The following SGCD variants were observed in gnomAD, a reference collection of about 807,000 sequenced individuals.
The protein encoded by SGCD is sarcoglycan delta, also known as delta-sarcoglycan.
Under a neutral mutation model 36.6 loss-of-function variants are expected in SGCD, and 18 were observed. The ratio of observed to expected loss-of-function variants is 0.49; its 90% CI spans 0.34 to 0.73. The LOEUF (loss-of-function observed/expected upper bound fraction) is 0.73. SGCD is among the 30% of genes least tolerant of loss of function. The pLI is 0.01. For missense variants in SGCD, 387 were observed against 346.7 expected (o/e 1.12, Z -0.92); for synonymous variants, 133 against 130.6 (o/e 1.02, Z -0.12).
At position 155,964,052 on chromosome 5, in the gene SGCD, A is replaced by G. The variant is rs187826647; in HGVS notation, c.-282+93628A>G. On this transcript the variant is annotated intron_variant, in intron 1 of 9. Transcript: ENST00000517913. The stretch of plus-strand genomic sequence containing the variant: ...TACTTTCTCTGAGTTACCTATTGCT[A>G]TAGCTAGAAAACATATGCGTATATT... Among the ~76,000 whole-genome samples, 5 of 152,208 alleles carry G rather than the reference A, an allele frequency of 3.3e-5. No homozygotes were observed. The East Asian group carries it at 9.7e-4, about 30-fold the overall frequency.
intron 7 of SGCD, among the ~76,000 whole-genome samples, chr5:156,669,705 A>T (rs1379994119): frequency 6.6e-6 from 1 of 152,200 alleles, no homozygotes; most frequent in East Asian, 1.9e-4. Flanking sequence ...TGTAGGAAGC[A>T]CAAATATGAT....
chr5:155,784,814 A>T, the SGCD span, among the ~76,000 whole-genome samples: 98 of 152,266 alleles, frequency 6.4e-4, no homozygotes, highest in African/African-American at 2.2e-3. Flanking sequence ...TACTAGTTTT[A>T]AGCTAGGTAG....
intron 7 of SGCD, among the ~76,000 whole-genome samples, chr5:156,714,135 T>C (rs1279083445): frequency 2.6e-5 from 4 of 152,276 alleles, no homozygotes; most frequent in Admixed American, 6.5e-5. Context: ...ACATTCACTG[T>C]GTTTACACAT....
At position 156,308,948 on chromosome 5, in the gene SGCD, A is replaced by AT. The variant is rs571694891; in HGVS notation, c.-43-20577dup. Among the ~76,000 whole-genome samples, 11 of 151,676 alleles carry AT rather than the reference A, an allele frequency of 7.3e-5. No individual in the cohort carries two copies. The South Asian group carries it at 1.0e-3, about 14-fold the overall frequency. On this transcript the variant is annotated intron_variant, in intron 3 of 9. Transcript: ENST00000517913. ...AAATATTACATACTTAGGTAACAGT[A>AT]TTTTTTTTTATTTTAGCACTTTGAA...
intron 3 of SGCD, among the ~76,000 whole-genome samples, chr5:156,232,313 G>C (rs922934732): frequency 6.6e-6 from 1 of 152,116 alleles, no homozygotes; most frequent in African/African-American, 2.4e-5. Flanking sequence ...ATTTTTGCTT[G>C]GGCACCTCCA....
chr5:156,608,664 A>T (rs891146654), intron 6 of SGCD, among the ~76,000 whole-genome samples: 4 of 152,036 alleles, frequency 2.6e-5, no homozygotes, highest in Non-Finnish European at 4.4e-5. Context: ...TCCCCTTATT[A>T]TTGTGTGGGA....
At chr5:156,054,577 G>T (rs889601889) in intron 1 of SGCD, among the ~76,000 whole-genome samples, 2 of 146,484 alleles carry the variant, frequency 1.4e-5, no homozygotes, top group Admixed American at 1.4e-4. Flanking sequence ...GAGCCACCGC[G>T]CCCGGCCCCT....
chr5:156,121,846 T>C (rs1271641323), intron 2 of SGCD, among the ~76,000 whole-genome samples: 1 of 151,982 alleles, frequency 6.6e-6, no homozygotes, highest in Non-Finnish European at 1.5e-5. Flanking sequence ...AATAATGGCA[T>C]GGAAGCAAAG....
chr5:156,719,065 A>T (rs1428955728), intron 7 of SGCD, among the ~76,000 whole-genome samples: 2 of 152,140 alleles, frequency 1.3e-5, no homozygotes, highest in African/African-American at 4.8e-5. Flanking sequence ...ACAAATATGC[A>T]CACACACATA....
intron 3 of SGCD, among the ~76,000 whole-genome samples, chr5:156,491,535 C>T (rs182543240): frequency 6.6e-5 from 10 of 152,088 alleles, no homozygotes; most frequent in Admixed American, 1.3e-4. Flanking sequence ...AATGGATCAG[C>T]GTATTTGCAG....
At chr5:156,587,903 C>G (rs1246372134) in intron 4 of SGCD, among the ~76,000 whole-genome samples, 1 of 151,356 alleles carries the variant, frequency 6.6e-6, no homozygotes, top group Non-Finnish European at 1.5e-5. Flanking sequence ...CTCCTGGTCT[C>G]CATTAGAATA....
At chr5:155,981,091 G>A (rs1339124116) in intron 1 of SGCD, among the ~76,000 whole-genome samples, 6 of 152,178 alleles carry the variant, frequency 3.9e-5, no homozygotes, top group Admixed American at 2.0e-4. Flanking sequence ...GGAGGAGGGC[G>A]GATCCAGCTG....
chr5:156,241,224 T>A (rs1765295954), intron 3 of SGCD, among the ~76,000 whole-genome samples: 1 of 151,602 alleles, frequency 6.6e-6, no homozygotes, highest in Non-Finnish European at 1.5e-5. Context: ...CACAGCTAAC[T>A]AACTGGCCTT....
At chr5:156,047,310 C>T (rs1400031180) in intron 1 of SGCD, among the ~76,000 whole-genome samples, 2 of 152,120 alleles carry the variant, frequency 1.3e-5, no homozygotes, top group African/African-American at 4.8e-5. Context: ...ATGAAGGTGG[C>T]TATACCCAAC....
chr5:156,711,151 T>C (rs76116452), intron 7 of SGCD, among the ~76,000 whole-genome samples: 6,392 of 152,208 alleles, frequency 0.042, 467 homozygotes, highest in African/African-American at 0.15. Flanking sequence ...CTTCCCATCA[T>C]GGCCTGAACC....
chr5:155,924,106 A>T (rs1756946328), intron 1 of SGCD, among the ~76,000 whole-genome samples: 1 of 152,152 alleles, frequency 6.6e-6, no homozygotes, highest in African/African-American at 2.4e-5. Context: ...TGGCAGTCTT[A>T]CCTCTTTTCC....
chr5:156,152,703 T>C (rs1414113259), intron 3 of SGCD, among the ~76,000 whole-genome samples: 1 of 151,768 alleles, frequency 6.6e-6, no homozygotes, highest in East Asian at 1.9e-4. Context: ...CCTTTTCTTT[T>C]TACATTTTAA....
chr5:156,410,656 G>A (rs914899378), intron 3 of SGCD, among the ~76,000 whole-genome samples: 5 of 152,168 alleles, frequency 3.3e-5, no homozygotes, highest in Non-Finnish European at 1.5e-5. Context: ...TATTATAGCA[G>A]CCCCCTGCTC....
At chr5:156,736,617 T>A (rs1469629342) in intron 7 of SGCD, among the ~76,000 whole-genome samples, 2 of 152,124 alleles carry the variant, frequency 1.3e-5, no homozygotes, top group South Asian at 4.1e-4. Flanking sequence ...AGCCAGATAG[T>A]CCTGGTTACC....
Sources: allele counts gnomAD v4.1 joint callset (sites outside exome capture counted in the v4.1 genomes callset), GRCh38; gene constraint gnomAD v4.1.1; transcripts MANE v1.5; gene names NCBI Gene and HGNC (gene_info 2026-07-23, HGNC 2026-07-21).